Variants in GIT2 observed in about 807,000 individuals in gnomAD.
The protein encoded by GIT2 is ARF GTPase-activating protein GIT2.
In GIT2, 32 loss-of-function variants were observed where a neutral mutation model predicts 100.3. That is an observed-to-expected ratio of 0.32 (90% CI 0.24 to 0.43). The LOEUF is 0.43. Among genes scored for constraint, GIT2 ranks in the 20% least tolerant of loss-of-function variants. The probability of loss-of-function intolerance (pLI) is 1.00; values close to 1 mark genes in which losing one functional copy is unlikely to be tolerated. For synonymous variants in GIT2, 353 were observed against 364.1 expected (o/e 0.97, Z 0.35); for missense variants, 737 against 975.1 (o/e 0.76, Z 3.25).
chr12:109,961,417 G>T, intron 10 of GIT2, 42 bp from the exon 11 acceptor site: 1 of 1,238,136 alleles, frequency 8.1e-7, no homozygotes, highest in Non-Finnish European at 1.2e-6. Flanking sequence ...CATCACGCCT[G>T]TGTGCCACTG....
chr12:109,969,361 T>G (rs1276376810), intron 7 of GIT2, among the ~76,000 whole-genome samples: 2 of 151,876 alleles, frequency 1.3e-5, no homozygotes, highest in African/African-American at 4.8e-5. Context: ...GAGATGCAGT[T>G]TCACCATGTT....
intron 2 of GIT2, among the ~76,000 whole-genome samples, 191 bp from the exon 3 acceptor site, chr12:109,989,993 G>A (rs1888091060): frequency 6.6e-6 from 1 of 152,164 alleles, no homozygotes; most frequent in South Asian, 2.1e-4. Context: ...GCTTTGACTA[G>A]TAGGATAGTT....
At chr12:109,981,214 C>T in intron 6 of GIT2, 168 bp from the exon 7 acceptor site, 1 of 583,428 alleles carries the variant, frequency 1.7e-6, no homozygotes, top group Non-Finnish European at 3.1e-6. Flanking sequence ...TTGCATCCCA[C>T]TTTTATAAAC....
At chr12:109,981,369 G>A (rs1886291696) in intron 6 of GIT2, 1 of 233,636 alleles carries the variant, frequency 4.3e-6, no homozygotes, top group South Asian at 5.7e-5. Context: ...AATGGTTTAC[G>A]GTAGAAGTTC....
chr12:109,991,850 G>T (rs1888463700), intron 1 of GIT2, 90 bp from the exon 2 acceptor site: 1 of 1,171,156 alleles, frequency 8.5e-7, no homozygotes, highest in Non-Finnish European at 1.2e-6. Flanking sequence ...TGGTTTGTCA[G>T]AAAAAGGAGA....
intron 3 of GIT2, 91 bp from the exon 4 acceptor site, chr12:109,989,159 C>A: frequency 2.5e-6 from 2 of 797,160 alleles, no homozygotes; most frequent in Non-Finnish European, 2.2e-6. Context: ...AAGTGACCCA[C>A]ATCCCCCACT....
intron 10 of GIT2, 57 bp from the exon 11 acceptor site, chr12:109,961,432 TG>T: frequency 3.5e-6 from 4 of 1,142,294 alleles, no homozygotes; most frequent in Non-Finnish European, 5.3e-6. Context: ...CCACTGCTCC[TG>T]GGAGGCACAG....
chr12:109,959,759 T>C (rs1880571888), intron 12 of GIT2, 88 bp downstream of exon 12: 1 of 772,608 alleles, frequency 1.3e-6, no homozygotes. Context: ...GTCATGTTGA[T>C]GACTGCTTTA....
In GIT2 at chr12:109,969,517, C is replaced by T. The variant is rs140615429; in HGVS notation, c.719-2014G>A. ...TAATTTATCAATATTTTCTTTTATG[C>T]ATTGAGTTTTGGTGTTATATTTAAG... On this transcript the variant is annotated intron_variant, in intron 7 of 19. Coordinates refer to ENST00000355312, the MANE Select transcript of GIT2 (RefSeq NM_057169.5). 4.7e-3 allele frequency among the ~76,000 whole-genome samples: 720 copies of T among 152,150 alleles called. 6 individuals are homozygous for T. The highest frequency in any genetic ancestry group is 0.011 in the South Asian group (51 of 4,822).
intron 18 of GIT2, among the ~76,000 whole-genome samples, chr12:109,938,135 C>G (rs1402725500): frequency 6.6e-6 from 1 of 152,122 alleles, no homozygotes; most frequent in African/African-American, 2.4e-5. Flanking sequence ...ATGCCGCAAT[C>G]CTGTTTCTAG....
Position 109,948,206 on chromosome 12 carries a change from G to C in GIT2, c.1393-702C>G, listed in dbSNP as rs930930846. 4 of 984,756 alleles carry C rather than the reference G, an allele frequency of 4.1e-6. No individual in the cohort carries two copies. The highest frequency in any genetic ancestry group is 4.8e-6 in the Non-Finnish European group (4 of 829,312). 61.0% of individuals were successfully genotyped at this position (984,756 alleles called of 1,614,324 possible). A position where few individuals can be genotyped will look rare whatever the true frequency, so the allele number is the denominator to read the frequency against. On this transcript the variant is annotated intron_variant, in intron 14 of 19. Transcript: ENST00000355312. This position sits in a 1 kb window ranked among gnomAD's most constrained non-coding sequence, Gnocchi z 4.3. ...TCACGAAGAAAACTGGAAACCTATTGATCTATGGAATTGACATCTTCGCAT... is the reference window on the plus strand; with the variant it reads ...TCACGAAGAAAACTGGAAACCTATTCATCTATGGAATTGACATCTTCGCAT...
chr12:109,940,396 T>C (rs182894713), intron 16 of GIT2: 45 of 152,340 alleles, frequency 3.0e-4, no homozygotes, highest in African/African-American at 1.0e-3. Flanking sequence ...AAAATATAAG[T>C]GTGAGCTATT....
At chr12:109,942,603 G>A (rs1875113392) in intron 16 of GIT2, among the ~76,000 whole-genome samples, 1 of 152,178 alleles carries the variant, frequency 6.6e-6, no homozygotes, top group Admixed American at 6.5e-5. Context: ...CAAAGTGCTA[G>A]GATTAGAGGC....
At chr12:109,936,520 G>A (rs1215220677) in intron 18 of GIT2, among the ~76,000 whole-genome samples, 1 of 152,134 alleles carries the variant, frequency 6.6e-6, no homozygotes, top group Non-Finnish European at 1.5e-5. Flanking sequence ...TTGACAAATG[G>A]GGTCACGGTG....
intron 7 of GIT2, among the ~76,000 whole-genome samples, chr12:109,972,086 C>T (rs1422320420): frequency 6.6e-6 from 1 of 151,980 alleles, no homozygotes; most frequent in Non-Finnish European, 1.5e-5. Flanking sequence ...GTTCTGGAAA[C>T]CTTTTTGTAG....
rs1871998855 is a variant in GIT2 at position 109,933,252 on chromosome 12, C to A, written c.2068-62G>T. ...AGGGCAGACATCCAAAAGCAGGGGA[C>A]AAACATTCTTCTAAAGCAAACCAAG... On this transcript the variant is annotated intron_variant, in intron 19 of 19. Coordinates refer to ENST00000355312, the MANE Select transcript of GIT2 (RefSeq NM_057169.5). The surrounding 1 kb of genome is among the most constrained non-coding windows in gnomAD (Gnocchi z 4.5). 1.0e-6 allele frequency: 1 copy of A among 1,001,588 alleles called. No homozygotes were observed. The highest frequency in any genetic ancestry group is 2.0e-5 in the Admixed American group (1 of 49,326). 62.0% of individuals were successfully genotyped at this position (1,001,588 alleles called of 1,614,324 possible). A position where few individuals can be genotyped will look rare whatever the true frequency, so the allele number is the denominator to read the frequency against.
In GIT2 at chr12:109,933,400, G is replaced by A; in HGVS notation, c.2068-210C>T. 1 of 500,520 alleles carries A rather than the reference G, an allele frequency of 2.0e-6. No homozygotes were observed. The highest frequency in any genetic ancestry group is 3.5e-6 in the Non-Finnish European group (1 of 282,276). The allele number at this position is 500,520 out of a possible 1,614,324, so 31.0% of individuals were successfully genotyped here. ...AATATTCTGATTCAAAGGTCAAAGT[G>A]CATGCAGGGTAATTTTAGTAGTATG... On this transcript the variant is annotated intron_variant, in intron 19 of 19. Coordinates refer to ENST00000355312, the MANE Select transcript of GIT2 (RefSeq NM_057169.5). The surrounding 1 kb of genome is among the most constrained non-coding windows in gnomAD (Gnocchi z 4.5).
rs1872270638 is a variant in GIT2 at position 109,933,895 on chromosome 12, C to G, written c.2067+127G>C. 1.5e-6 allele frequency: 1 copy of G among 679,676 alleles called. No homozygotes were observed. The highest frequency in any genetic ancestry group is 2.7e-6 in the Non-Finnish European group (1 of 364,118). 42.1% of individuals were successfully genotyped at this position (679,676 alleles called of 1,614,324 possible). On this transcript the variant is annotated intron_variant, in intron 19 of 19. Coordinates refer to ENST00000355312, the MANE Select transcript of GIT2 (RefSeq NM_057169.5). This position sits in a 1 kb window ranked among gnomAD's most constrained non-coding sequence, Gnocchi z 4.5. ...GGGTTACAGGCGTGAGCCACCACAC[C>G]CGGCCTCGACTGCATATTTTAAAAC...
intron 7 of GIT2, among the ~76,000 whole-genome samples, chr12:109,972,936 C>T (rs548139120): frequency 6.6e-6 from 1 of 152,240 alleles, no homozygotes; most frequent in African/African-American, 2.4e-5. Context: ...AATCCTCTCA[C>T]CTCAGCCTCC....
Sources: gnomAD v4.1 joint callset for allele counts (sites outside exome capture counted in the v4.1 genomes callset) on GRCh38, gnomAD v4.1.1 for gene constraint, Gnocchi (gnomAD v3.1) non-coding constraint, MANE v1.5 for transcripts, NCBI Gene and HGNC (gene_info 2026-07-23, HGNC 2026-07-21) for gene names.